The following GBP3 variants were observed in gnomAD, a reference collection of about 807,000 sequenced individuals.
GBP3 encodes the protein guanylate binding protein 3, also known as guanylate-binding protein 3.
Under a neutral mutation model 62.4 loss-of-function variants are expected in GBP3, and 55 were observed. The observed-to-expected ratio is 0.88, with a 90% CI of 0.71 to 1.10. GBP3 has a LOEUF of 1.10. GBP3 is among the 50% of genes least tolerant of loss of function. The pLI is 0.00. For missense variants in GBP3, 605 were observed against 690.6 expected (o/e 0.88, Z 1.39); for synonymous variants, 208 against 259.2 (o/e 0.80, Z 1.90).
chr1:89,010,000 T>G (rs1678465721), intron 8 of GBP3, among the ~76,000 whole-genome samples: 1 of 152,190 alleles, frequency 6.6e-6, no homozygotes. Flanking sequence ...CATCATTGGG[T>G]TTCTGTCTCT....
rs970057814 is a variant in GBP3 at position 89,013,598 on chromosome 1, C to A, written c.626-171G>T. The A allele has an allele frequency of 7.3e-6, 5 of 687,720 alleles. No individual in the cohort carries two copies. The East Asian group carries it at 1.1e-4, about 15-fold the overall frequency. The allele number at this position is 687,720 out of a possible 1,614,324, so 42.6% of individuals were successfully genotyped here. On this transcript the variant is annotated intron_variant, in intron 5 of 10. Coordinates refer to ENST00000370481, the MANE Select transcript of GBP3 (RefSeq NM_018284.3). Reference sequence around the variant, plus strand: ...TATGTAAATGAATGGGCATAGCATTCTTCCCAAAAAACCTCACTTAGAAAG... The same window carrying A: ...TATGTAAATGAATGGGCATAGCATTATTCCCAAAAAACCTCACTTAGAAAG...
chr1:89,019,262 A>T (rs1207860767), intron 2 of GBP3, among the ~76,000 whole-genome samples: 1 of 152,230 alleles, frequency 6.6e-6, no homozygotes, highest in Non-Finnish European at 1.5e-5. Flanking sequence ...ACATATAATT[A>T]CTTAGCCTTG....
intron 6 of GBP3, among the ~76,000 whole-genome samples, chr1:89,012,718 C>G (rs1056663748): frequency 7.2e-6 from 1 of 138,046 alleles, no homozygotes; most frequent in Non-Finnish European, 1.7e-5. Flanking sequence ...CTTTGCTTTT[C>G]CTATCTTTTC....
rs1470213013 is a variant in GBP3, at chr1:89,009,062, A to G, written c.1544T>C (p.Met515Thr). ...EEMQIKYQQM[M>T]EEKEKSYQEH... Reference sequence around the variant, plus strand: ...TTGATAACTCTTCTCTTTCTCTTCCATCATCTGCTGATACTTTATTTGCAT... The same window carrying G: ...TTGATAACTCTTCTCTTTCTCTTCCGTCATCTGCTGATACTTTATTTGCAT... The change falls in exon 10 of 11, where the codon ATG becomes ACG. Residue 515 changes from methionine (M) to threonine (T), a missense_variant. Physicochemically the swap from Met to Thr is moderately conservative, Grantham distance 81 (BLOSUM62 -1). Around this residue, in one of 3 missense-constraint regions of GBP3, gnomAD observed 160 missense variants for 147.8 expected, o/e 1.08. Transcript: ENST00000370481. 1 of 1,614,096 alleles carries G rather than the reference A, an allele frequency of 6.2e-7. No homozygotes were observed. The highest frequency in any genetic ancestry group is 8.5e-7 in the Non-Finnish European group (1 of 1,179,968).
rs146229731 is a variant in GBP3, at chr1:89,021,788, TGAGAGAGAGAGAGAGA to T, written c.-23+880_-23+895del. Among the ~76,000 whole-genome samples the T allele has an allele frequency of 5.0e-4, 33 of 65,354 alleles. 2 individuals are homozygous for T. Among genetic ancestry groups the T allele is most frequent in the Admixed American group, 3.2e-3 (15 of 4,622 alleles). The allele number at this position is 65,354 out of a possible 152,430, so 42.9% of individuals were successfully genotyped here. ...GGACGAGGAGAAAGGGCTGGAAAGA[TGAGAGAGAGAGAGAGA>T]GAGAGAGAGAGAGAGAGAGAGAGAG... is the stretch of plus-strand genomic sequence containing the variant. On this transcript the variant is annotated intron_variant, in intron 1 of 10. Coordinates refer to ENST00000370481, the MANE Select transcript of GBP3 (RefSeq NM_018284.3).
chr1:89,021,522 A>G (rs1465284701), intron 1 of GBP3, among the ~76,000 whole-genome samples: 3 of 135,032 alleles, frequency 2.2e-5, no homozygotes, highest in African/African-American at 7.5e-5. Context: ...ACACACACAC[A>G]CACACACACA....
intron 2 of GBP3, 35 bp from the exon 3 acceptor site, chr1:89,015,449 G>T: frequency 1.3e-6 from 2 of 1,592,698 alleles, no homozygotes; most frequent in Admixed American, 1.8e-5. Context: ...AGGGCTGGAG[G>T]TTTAATAGCA....
chr1:89,016,485 C>T (rs1051672631), intron 2 of GBP3, among the ~76,000 whole-genome samples: 6 of 152,184 alleles, frequency 3.9e-5, no homozygotes, highest in Admixed American at 1.3e-4. Flanking sequence ...TGCCACTGCA[C>T]TCCAGGCTGG....
chr1:89,020,464 C>T, intron 2 of GBP3, 68 bp downstream of exon 2: 1 of 1,586,260 alleles, frequency 6.3e-7, no homozygotes, highest in Non-Finnish European at 8.7e-7. Flanking sequence ...TCCTCACATC[C>T]TCATAATGGA....
intron 2 of GBP3, among the ~76,000 whole-genome samples, chr1:89,016,060 T>A (rs1678873094): frequency 6.6e-6 from 1 of 152,168 alleles, no homozygotes; most frequent in Non-Finnish European, 1.5e-5. Flanking sequence ...TACACAGAAC[T>A]GTTAGAACTA....
At chr1:89,019,166 A>G (rs952165247) in intron 2 of GBP3, among the ~76,000 whole-genome samples, 2 of 152,292 alleles carry the variant, frequency 1.3e-5, no homozygotes, top group African/African-American at 4.8e-5. Flanking sequence ...TCAGACACCC[A>G]TGATCCTATC....
At chr1:89,016,790 G>T (rs1396253524) in intron 2 of GBP3, among the ~76,000 whole-genome samples, 9 of 152,126 alleles carry the variant, frequency 5.9e-5, no homozygotes, top group Non-Finnish European at 1.3e-4. Context: ...GTCCAAGTTG[G>T]TCTCAAATTC....
intron 2 of GBP3, among the ~76,000 whole-genome samples, chr1:89,016,818 G>A (rs1470545496): frequency 6.6e-6 from 1 of 152,144 alleles, no homozygotes; most frequent in Non-Finnish European, 1.5e-5. Context: ...CAAGTGATCT[G>A]CTGGCCTCAG....
In GBP3 at chr1:89,011,870, C is replaced by T. The variant is rs986542616; in HGVS notation, c.1026G>A (p.Gln342=). 6.8e-7 allele frequency: 1 copy of T among 1,462,264 alleles called. No homozygotes were observed. Among genetic ancestry groups the T allele is most frequent in the South Asian group, 1.2e-5 (1 of 84,742 alleles). The allele number at this position is 1,462,264 out of a possible 1,614,324, so 90.6% of individuals were successfully genotyped here. A position where few individuals can be genotyped will look rare whatever the true frequency, so the allele number is the denominator to read the frequency against. Residue 342 remains glutamine, a synonymous_variant, in exon 7 of 11, where the codon CAG becomes CAA. Coordinates refer to ENST00000370481, the MANE Select transcript of GBP3 (RefSeq NM_018284.3). Reference sequence around the variant, plus strand: ...GCTCCTGGAGGGTTTCTGCGGGCAGCTGCACCTTCTGGCCCATCTGCTGGT... The same window carrying T: ...GCTCCTGGAGGGTTTCTGCGGGCAGTTGCACCTTCTGGCCCATCTGCTGGT... ...HYDQQMGQKV[Q]LPAETLQELL...
At chr1:89,021,546 C>CACACACACACA (rs1557734773) in intron 1 of GBP3, among the ~76,000 whole-genome samples, 1 of 85,930 alleles carries the variant, frequency 1.2e-5, no homozygotes, top group African/African-American at 3.9e-5. Context: ...ACACACACAC[C>CACACACACACA]CCAAAAAAAC....
chr1:89,009,890 A>G (rs1002387550), intron 8 of GBP3, among the ~76,000 whole-genome samples: 4 of 152,212 alleles, frequency 2.6e-5, no homozygotes, highest in Admixed American at 2.6e-4. Context: ...GATATCAGGC[A>G]GAGAGACAGA....
intron 2 of GBP3, among the ~76,000 whole-genome samples, chr1:89,017,261 G>A (rs1052408661): frequency 2.6e-5 from 4 of 151,244 alleles, no homozygotes; most frequent in Non-Finnish European, 5.9e-5. Context: ...AACGCAGAAA[G>A]AGGAGTCTCT....
chr1:89,016,347 T>TAC lies in GBP3; in HGVS notation c.191-935_191-934dup, dbSNP rs367673433. Among the ~76,000 whole-genome samples the TAC allele has an allele frequency of 3.9e-3, 580 of 150,392 alleles. 4 individuals carry two copies. Among genetic ancestry groups the TAC allele is most frequent in the South Asian group, 5.9e-3 (28 of 4,768 alleles). On this transcript the variant is annotated intron_variant, in intron 2 of 10. Transcript: ENST00000370481. Reference sequence around the variant, plus strand: ...GGTGAAACCCTGTCTCTACTAAAACTACACACACACACACACACAAAATTA... The same window carrying TAC: ...GGTGAAACCCTGTCTCTACTAAAACTACACACACACACACACACACAAAATTA...
Position 89,020,613 on chromosome 1 carries a change from G to T in GBP3, c.109C>A (p.Pro37Thr). ...CCCACAATTGCCACCACCACCACAG[G>T]CTGTGTAATGGCAGACAGGATTTTC... is the stretch of plus-strand genomic sequence containing the variant. ...ALKILSAITQ[P>T]VVVVAIVGLY... is the part of the protein sequence containing the mutation. The change falls in exon 2 of 11, where the codon CCT (proline) becomes ACT (threonine). Residue 37 changes from proline (P) to threonine (T), a missense_variant. By Grantham distance (38) the Pro-to-Thr change is conservative. This residue lies in a region of GBP3 where 308 missense variants were observed against 318.0 expected (regional missense o/e 0.97). Coordinates refer to ENST00000370481, the MANE Select transcript of GBP3 (RefSeq NM_018284.3). 1 of 1,614,152 alleles carries T rather than the reference G, an allele frequency of 6.2e-7. No individual in the cohort carries two copies. Among genetic ancestry groups the T allele is most frequent in the Non-Finnish European group, 8.5e-7 (1 of 1,180,012 alleles).
Sources: allele counts gnomAD v4.1 joint callset (sites outside exome capture counted in the v4.1 genomes callset), GRCh38; gene constraint gnomAD v4.1.1; regional missense constraint gnomAD v4.1.1; transcripts MANE v1.5; gene names NCBI Gene and HGNC (gene_info 2026-07-23, HGNC 2026-07-21).